The following EPS8L2 variants were observed in gnomAD, a reference collection of about 807,000 sequenced individuals.
The protein encoded by EPS8L2 is epidermal growth factor receptor kinase substrate 8-like protein 2.
A neutral mutation model predicts 99.4 loss-of-function variants in EPS8L2; 81 were observed. The observed-to-expected ratio is 0.82, with a 90% CI of 0.68 to 0.98. The LOEUF (loss-of-function observed/expected upper bound fraction) is 0.98. EPS8L2 is among the 50% of genes least tolerant of loss of function. EPS8L2 has a pLI of 0.00. For synonymous variants in EPS8L2, 509 were observed against 407.3 expected, an observed-to-expected ratio of 1.25 and a Z score of -3.01; for missense variants, 1,155 against 968.8, an observed-to-expected ratio of 1.19 and a Z score of -2.55.
chr11:725,708 G>A lies in EPS8L2; in HGVS notation c.1561-20G>A. 2 of 1,314,944 alleles carry A rather than the reference G, an allele frequency of 1.5e-6. No homozygotes were observed. Among genetic ancestry groups the A allele is most frequent in the Non-Finnish European group, 9.7e-7 (1 of 1,034,288 alleles). The allele number at this position is 1,314,944 out of a possible 1,614,324, so 81.5% of individuals were successfully genotyped here. A position where few individuals can be genotyped will look rare whatever the true frequency, so the allele number is the denominator to read the frequency against. On this transcript the variant is annotated intron_variant, in intron 16 of 20. Coordinates refer to ENST00000318562, the MANE Select transcript of EPS8L2 (RefSeq NM_022772.4). ...CCGCAGAGCCTGGGTGTGGGGAGGG[G>A]CTGACGGCGCGCCCCGCAGGTGCTG...
At position 721,588 on chromosome 11, in the gene EPS8L2, C is replaced by T. The variant is rs769620020; in HGVS notation, c.792C>T (p.Asp264=). 2 of 1,568,506 alleles carry T rather than the reference C, an allele frequency of 1.3e-6. No individual in the cohort carries two copies. The highest frequency in any genetic ancestry group is 2.3e-5 in the East Asian group (1 of 44,402). The change falls in exon 10 of 21, where the codon GAC becomes GAT. Residue 264 remains aspartate (D), a synonymous_variant. Coordinates refer to ENST00000318562, the MANE Select transcript of EPS8L2 (RefSeq NM_022772.4). ...KETQILNCAL[D]DIEWFVARLQ... ...AGCAAATCCTCAACTGCGCCCTGGA[C>T]GACATCGAGTGGTTTGTGGCCCGGC... is the stretch of plus-strand genomic sequence containing the variant.
At chr11:715,856 A>G (rs1862011656) in intron 4 of EPS8L2, among the ~76,000 whole-genome samples, 1 of 150,796 alleles carries the variant, frequency 6.6e-6, no homozygotes, top group South Asian at 2.1e-4. Context: ...TCATGACCTC[A>G]CGATCCGCCT....
At chr11:714,981 G>T (rs1046289930) in intron 4 of EPS8L2, among the ~76,000 whole-genome samples, 1 of 152,094 alleles carries the variant, frequency 6.6e-6, no homozygotes, top group Non-Finnish European at 1.5e-5. Flanking sequence ...GGTGGCTCAT[G>T]CCTGTAATCC....
Position 726,293 on chromosome 11 carries a change from C to T in EPS8L2, c.1754-11C>T, listed in dbSNP as rs1277857249. 2 of 1,597,746 alleles carry T rather than the reference C, an allele frequency of 1.3e-6. No individual in the cohort carries two copies. ...AAGGCAGCGGCGGGCCTGAGTCGCGCGCCCCCTCAGAGCTCATGCAGCACA... is the reference window on the plus strand; with the variant it reads ...AAGGCAGCGGCGGGCCTGAGTCGCGTGCCCCCTCAGAGCTCATGCAGCACA... On this transcript the variant is annotated splice_polypyrimidine_tract_variant and intron_variant, in intron 18 of 20. Coordinates refer to ENST00000318562, the MANE Select transcript of EPS8L2 (RefSeq NM_022772.4).
intron 4 of EPS8L2, among the ~76,000 whole-genome samples, chr11:712,148 T>G (rs1861909162): frequency 6.7e-6 from 1 of 148,696 alleles, no homozygotes; most frequent in African/African-American, 2.5e-5. Flanking sequence ...TAGCTGGACG[T>G]GGTGGTGGGA....
rs1457455834 is a variant in EPS8L2 at position 722,518 on chromosome 11, G to A, written c.1177G>A (p.Glu393Lys). 10 of 1,613,160 alleles carry A rather than the reference G, an allele frequency of 6.2e-6. No homozygotes were observed. Among genetic ancestry groups the A allele is most frequent in the Admixed American group, 5.0e-5 (3 of 59,996 alleles). The change falls in exon 13 of 21, where the codon GAG becomes AAG. Residue 393 changes from glutamate (E) to lysine (K), a missense_variant. Coordinates refer to ENST00000318562, the MANE Select transcript of EPS8L2 (RefSeq NM_022772.4). ...GGTCCCTAAGGAGATGTCGCTGTGG[G>A]AGTCACTGGGAGAGAGCTGGATGCG... is the stretch of plus-strand genomic sequence containing the variant. Reference protein sequence around the residue: ...HLVPKEMSLWESLGESWMRPR... With the variant: ...HLVPKEMSLWKSLGESWMRPR...
intron 4 of EPS8L2, among the ~76,000 whole-genome samples, chr11:711,670 G>C (rs1289505319): frequency 6.6e-6 from 1 of 152,024 alleles, no homozygotes; most frequent in Non-Finnish European, 1.5e-5. Context: ...ATCCCACCAC[G>C]GCCCTCCAGC....
intron 1 of EPS8L2, among the ~76,000 whole-genome samples, chr11:707,763 C>A (rs1476047249): frequency 1.3e-5 from 2 of 152,140 alleles, no homozygotes; most frequent in Non-Finnish European, 2.9e-5. Context: ...CCTGGCCTTC[C>A]CCAGGGGGGT....
At chr11:709,155 T>TCAACTGGGACGTGGGAC in intron 1 of EPS8L2, 175 bp from the exon 2 acceptor site, 1 of 586,424 alleles carries the variant, frequency 1.7e-6, no homozygotes, top group Non-Finnish European at 3.0e-6. Context: ...TGATCGACTG[T>TCAACTGGGACGTGGGAC]CAACTGGGAC....
rs531234439 is a variant in EPS8L2 at position 711,991 on chromosome 11, G to GA, written c.165+1515dup. On this transcript the variant is annotated intron_variant, in intron 4 of 20. Transcript: ENST00000318562. ...GAGCGAGACTCCATCTCAAAAAAGA[G>GA]AAAAAAAAAAGGGACCAGGCGCGGT... is the stretch of plus-strand genomic sequence containing the variant. Among the ~76,000 whole-genome samples the GA allele has an allele frequency of 9.6e-4, 129 of 134,296 alleles. No homozygotes were observed. The East Asian group carries it at 0.012, about 12-fold the overall frequency. The allele number at this position is 134,296 out of a possible 152,430, so 88.1% of individuals were successfully genotyped here.
chr11:726,325 A>G lies in EPS8L2; in HGVS notation c.1775A>G (p.Glu592Gly). 6.2e-7 allele frequency: 1 copy of G among 1,609,940 alleles called. No individual in the cohort carries two copies. The highest frequency in any genetic ancestry group is 8.5e-7 in the Non-Finnish European group (1 of 1,178,862). ...NKDELMQHMD[E>G]VNDELIRKIS... ...TCAGAGCTCATGCAGCACATGGACG[A>G]GGTCAACGACGAGCTCATCCGGAAA... Residue 592 changes from glutamate (E) to glycine (G), a missense_variant, in exon 19 of 21, where the codon GAG becomes GGG. Glu to Gly is a moderately conservative substitution (Grantham distance 98, BLOSUM62 -2). Coordinates refer to ENST00000318562, the MANE Select transcript of EPS8L2 (RefSeq NM_022772.4).
At chr11:726,842 G>A in intron 20 of EPS8L2, 59 bp from the exon 21 acceptor site, 2 of 1,591,390 alleles carry the variant, frequency 1.3e-6, no homozygotes, top group South Asian at 2.3e-5. Flanking sequence ...GCAAGGGGGA[G>A]GCCGGCACCC....
intron 4 of EPS8L2, among the ~76,000 whole-genome samples, chr11:712,534 A>G (rs764848347): frequency 3.3e-5 from 5 of 152,202 alleles, no homozygotes; most frequent in Non-Finnish European, 7.3e-5. Flanking sequence ...CCAAGCCTAC[A>G]GGACTAGGAA....
Position 725,961 on chromosome 11 carries a change from A to G in EPS8L2, c.1680+114A>G, listed in dbSNP as rs1185593066. 6.7e-6 allele frequency: 9 copies of G among 1,352,208 alleles called. 1 individual carries two copies. In the Admixed American group the frequency reaches 2.4e-4, roughly 36 times the overall value. The allele number at this position is 1,352,208 out of a possible 1,614,324, so 83.8% of individuals were successfully genotyped here. ...CGGCTGGAGAGACTGGGGCAGGTGC[A>G]GGGCTCCCTGGGCAGAAGGAAAGGG... is the stretch of plus-strand genomic sequence containing the variant. On this transcript the variant is annotated intron_variant, in intron 17 of 20. Coordinates refer to ENST00000318562, the MANE Select transcript of EPS8L2 (RefSeq NM_022772.4).
intron 2 of EPS8L2, 45 bp from the exon 3 acceptor site, chr11:709,508 G>A: frequency 1.2e-6 from 2 of 1,604,948 alleles, no homozygotes; most frequent in South Asian, 1.1e-5. Context: ...CAGTCCCCAG[G>A]GAGGGGTGCA....
chr11:709,258 C>G (rs1345176567), intron 1 of EPS8L2, 72 bp from the exon 2 acceptor site: 3 of 954,792 alleles, frequency 3.1e-6, no homozygotes, highest in African/African-American at 3.3e-5. Flanking sequence ...AGTCAGGGAT[C>G]TGGCCCAGGG....
At chr11:709,235 CCCAGG>C in intron 1 of EPS8L2, 90 bp from the exon 2 acceptor site, 1 of 788,150 alleles carries the variant, frequency 1.3e-6, no homozygotes, top group Non-Finnish European at 2.0e-6. Flanking sequence ...GGGACCCCCA[CCCAGG>C]CCAGGCCAGT....
intron 4 of EPS8L2, among the ~76,000 whole-genome samples, chr11:715,238 T>C (rs1302014472): frequency 6.9e-6 from 1 of 145,052 alleles, no homozygotes; most frequent in African/African-American, 2.8e-5. Context: ...TGAGACTCTG[T>C]CTCAAAAAAA....
At chr11:726,249 CG>C in intron 18 of EPS8L2, 54 bp from the exon 19 acceptor site, 1 of 1,567,250 alleles carries the variant, frequency 6.4e-7, no homozygotes, top group Non-Finnish European at 8.7e-7. Flanking sequence ...GTCCCTGGGC[CG>C]GGGGCGGGGG....
Sources: allele counts gnomAD v4.1 joint callset (sites outside exome capture counted in the v4.1 genomes callset), GRCh38; gene constraint gnomAD v4.1.1; transcripts MANE v1.5; gene names NCBI Gene and HGNC (gene_info 2026-07-23, HGNC 2026-07-21).